The following AP4B1 variants were observed in gnomAD, a reference collection of about 807,000 sequenced individuals.
AP4B1 encodes adaptor related protein complex 4 subunit beta 1, also known as AP-4 complex subunit beta-1.
A neutral mutation model predicts 76.5 loss-of-function variants in AP4B1; 49 were observed. The ratio of observed to expected loss-of-function variants is 0.64; its 90% CI spans 0.51 to 0.81. AP4B1 has a LOEUF of 0.81. Among genes scored for constraint, AP4B1 ranks in the 40% least tolerant of loss-of-function variants. The probability of loss-of-function intolerance (pLI) is 0.00; values close to 1 mark genes in which losing one functional copy is unlikely to be tolerated. For missense variants in AP4B1, 911 were observed against 904.9 expected, an observed-to-expected ratio of 1.01 and a Z score of -0.09; for synonymous variants, 330 against 333.3, an observed-to-expected ratio of 0.99 and a Z score of 0.11.
At position 113,895,783 on chromosome 1, in the gene AP4B1, G is replaced by A. The variant is rs972237039; in HGVS notation, c.1766C>T (p.Pro589Leu). Residue 589 changes from proline (P) to leucine (L), a missense_variant, in exon 9 of 10, where the codon CCT (proline) becomes CTT (leucine). Pro to Leu is a moderately conservative substitution (Grantham distance 98). Transcript: ENST00000369569. Reference protein sequence around the residue: ...QGAERCDPELPKTSSFAASGP... With the variant: ...QGAERCDPELLKTSSFAASGP... ...TGATGCGGCAAAGGATGAAGTTTTA[G>A]GAAGCTCTGGGTCACAACGCTCTGC... 6.2e-7 allele frequency: 1 copy of A among 1,614,230 alleles called. No individual in the cohort carries two copies. The highest frequency in any genetic ancestry group is 8.5e-7 in the Non-Finnish European group (1 of 1,180,044).
chr1:113,895,139 T>C lies in AP4B1; in HGVS notation c.2146A>G (p.Arg716Gly). The change falls in exon 10 of 10, where the codon AGA becomes GGA. Residue 716 changes from arginine to glycine, a missense_variant. Transcript: ENST00000369569. ...MQISVKQNEARTETLNSFISV... is the reference protein window; with the variant it reads ...MQISVKQNEAGTETLNSFISV... ...ATAAAACTATTCAGCGTCTCCGTTC[T>C]TGCTTCATTTTGTTTCACAGAGATC... The C allele has an allele frequency of 6.2e-7, 1 of 1,614,242 alleles. No individual in the cohort carries two copies. The highest frequency in any genetic ancestry group is 8.5e-7 in the Non-Finnish European group (1 of 1,180,032).
At chr1:113,898,582 T>A in intron 6 of AP4B1, 136 bp downstream of exon 6, 1 of 781,064 alleles carries the variant, frequency 1.3e-6, no homozygotes, top group South Asian at 1.4e-5. Flanking sequence ...TATGCTTCTC[T>A]AACAGCAACA....
At position 113,895,932 on chromosome 1, in the gene AP4B1, G is replaced by A; in HGVS notation, c.1617C>T (p.Asp539=). 7.4e-6 allele frequency: 12 copies of A among 1,614,192 alleles called. No homozygotes were observed. Among genetic ancestry groups the A allele is most frequent in the Non-Finnish European group, 1.0e-5 (12 of 1,180,044 alleles). Residue 539 remains aspartate (D), a synonymous_variant, in exon 9 of 10, where the codon GAC becomes GAT. Transcript: ENST00000369569. ...GATCCTCCAAAAGTCCAAGAGTAGG[G>A]TCAGATTTAGGGCTACACAGAATCC... ...VKRILCSPKS[D]PTLGLLEDPA...
intron 2 of AP4B1, 101 bp downstream of exon 2, chr1:113,902,537 A>C: frequency 8.5e-7 from 1 of 1,177,746 alleles, no homozygotes; most frequent in Non-Finnish European, 1.3e-6. Context: ...TGTTTTCCCC[A>C]GTATTAAGGA....
rs569899968 is a variant in AP4B1, at chr1:113,894,665, T to C, written c.*400A>G. ...TTTGGAATCTGGCCTAAAAGCATGA[T>C]TGGAAATATGAGAACAGTTAGGAAT... is the stretch of plus-strand genomic sequence containing the variant. On this transcript the variant is annotated 3_prime_UTR_variant, in exon 10 of 10. Coordinates refer to ENST00000369569, the MANE Select transcript of AP4B1 (RefSeq NM_001253852.3). 2.8e-4 allele frequency: 61 copies of C among 214,320 alleles called. No individual in the cohort carries two copies. Among genetic ancestry groups the C allele is most frequent in the African/African-American group, 1.0e-3 (44 of 42,414 alleles). The allele number at this position is 214,320 out of a possible 1,614,324, so 13.3% of individuals were successfully genotyped here.
At chr1:113,898,951 A>G (rs1667863930) in intron 5 of AP4B1, 150 bp from the exon 6 acceptor site, 1 of 939,500 alleles carries the variant, frequency 1.1e-6, no homozygotes, top group African/African-American at 1.7e-5. Flanking sequence ...ATGAACTAAG[A>G]ATATAAGTTT....
chr1:113,904,908 C>G, upstream of AP4B1: 1 of 603,058 alleles, frequency 1.7e-6, no homozygotes. Flanking sequence ...CTCCGCGACA[C>G]CGCGAGCCCC....
At chr1:113,899,040 C>A (rs781330461) in intron 5 of AP4B1, 50 of 1,226,398 alleles carry the variant, frequency 4.1e-5, no homozygotes, top group Non-Finnish European at 5.0e-5. Flanking sequence ...AAAACAATTC[C>A]CCATTAAACA....
intron 4 of AP4B1, 109 bp downstream of exon 4, chr1:113,901,127 G>A: frequency 1.4e-6 from 2 of 1,385,130 alleles, no homozygotes; most frequent in Non-Finnish European, 2.0e-6. Context: ...TAATAATAAT[G>A]GTTAACTTTC....
Position 113,901,373 on chromosome 1 carries a change from C to A in AP4B1, c.480G>T (p.Leu160=), listed in dbSNP as rs746201525. The A allele has an allele frequency of 1.9e-6, 3 of 1,613,842 alleles. No homozygotes were observed. Among genetic ancestry groups the A allele is most frequent in the Admixed American group, 1.7e-5 (1 of 59,976 alleles). ...LHGDSEVDGA[L]VNELYSLLRD... is the part of the protein sequence containing the mutation. ...GCAGCAAACTGTATAATTCATTTAC[C>A]AGGGCACCATCTATAAAAAAGAACA... Residue 160 remains leucine (L), a synonymous_variant, in exon 4 of 10, where the codon CTG becomes CTT. Coordinates refer to ENST00000369569, the MANE Select transcript of AP4B1 (RefSeq NM_001253852.3).
chr1:113,902,987 G>T lies in AP4B1; in HGVS notation c.114-125C>A, dbSNP rs1210163416. The stretch of plus-strand genomic sequence containing the variant: ...TGATCTCTTAGAGGGTAGCAGCCAG[G>T]ATTACCTTGTCTATTATATCACACA... On this transcript the variant is annotated intron_variant, in intron 1 of 9. Coordinates refer to ENST00000369569, the MANE Select transcript of AP4B1 (RefSeq NM_001253852.3). 7.4e-6 allele frequency: 6 copies of T among 808,400 alleles called. No homozygotes were observed. In the East Asian group the frequency reaches 1.3e-4, roughly 18 times the overall value. The allele number at this position is 808,400 out of a possible 1,614,324, so 50.1% of individuals were successfully genotyped here.
At position 113,904,781 on chromosome 1, in the gene AP4B1, C is replaced by T; in HGVS notation, c.-64G>A. On this transcript the variant is annotated 5_prime_UTR_variant, in exon 1 of 10. Transcript: ENST00000369569. ...GGTAACTCGAGGGCTCCTTCTCGTCCTGATGTGGGAGCCTGAGTAAAGGAA... is the reference window on the plus strand; with the variant it reads ...GGTAACTCGAGGGCTCCTTCTCGTCTTGATGTGGGAGCCTGAGTAAAGGAA... 7.5e-7 allele frequency: 1 copy of T among 1,336,688 alleles called. No individual in the cohort carries two copies. The highest frequency in any genetic ancestry group is 1.2e-5 in the South Asian group (1 of 85,258). The allele number at this position is 1,336,688 out of a possible 1,614,324, so 82.8% of individuals were successfully genotyped here. A position where few individuals can be genotyped will look rare whatever the true frequency, so the allele number is the denominator to read the frequency against.
At position 113,894,218 on chromosome 1, in the gene AP4B1, AG is replaced by A. The variant is rs1430719657; in HGVS notation, c.*846del. 6.6e-6 allele frequency among the ~76,000 whole-genome samples: 1 copy of A among 152,240 alleles called. No individual in the cohort carries two copies. Among genetic ancestry groups the A allele is most frequent in the African/African-American group, 2.4e-5 (1 of 41,470 alleles). On this transcript the variant is annotated 3_prime_UTR_variant, in exon 10 of 10. Transcript: ENST00000369569. Reference sequence around the variant, plus strand: ...ATTTATATTTTACCATCATTTTATTAGATTTGTTCTTGCCATAAGTTGCTTC... The same window carrying A: ...ATTTATATTTTACCATCATTTTATTAATTTGTTCTTGCCATAAGTTGCTTC...
chr1:113,898,601 T>C, intron 6 of AP4B1, 117 bp downstream of exon 6: 1 of 830,802 alleles, frequency 1.2e-6, no homozygotes, highest in South Asian at 1.3e-5. Flanking sequence ...CAGATGATGA[T>C]GCAAGGAAAA....
rs763542926 is a variant in AP4B1, at chr1:113,900,134, A to G, written c.884T>C (p.Val295Ala). The G allele has an allele frequency of 1.9e-6, 3 of 1,614,126 alleles. No homozygotes were observed. Among genetic ancestry groups the G allele is most frequent in the East Asian group, 4.5e-5 (2 of 44,908 alleles). ...GATCTGGCGTACATGACAAAGAGCA[A>G]CAAAACAGAGCTCACGGCTCTCTGA... ...CSSESRELCF[V>A]ALCHVRQILH... Residue 295 changes from valine to alanine, a missense_variant, in exon 5 of 10, where the codon GTT (valine) becomes GCT (alanine). Physicochemically the swap from Val to Ala is moderately conservative, Grantham distance 64 (BLOSUM62 0). Coordinates refer to ENST00000369569, the MANE Select transcript of AP4B1 (RefSeq NM_001253852.3).
At chr1:113,898,025 A>T in intron 6 of AP4B1, 82 bp from the exon 7 acceptor site, 1 of 1,602,122 alleles carries the variant, frequency 6.2e-7, no homozygotes, top group South Asian at 1.1e-5. Flanking sequence ...ATGTATTCAG[A>T]CTCATGATTC....
intron 4 of AP4B1, 113 bp downstream of exon 4, chr1:113,901,123 T>C: frequency 7.3e-7 from 1 of 1,376,114 alleles, no homozygotes; most frequent in South Asian, 1.2e-5. Flanking sequence ...ATAATAATAA[T>C]AATGGTTAAC....
intron 7 of AP4B1, chr1:113,896,719 G>C: frequency 1.8e-6 from 1 of 553,524 alleles, no homozygotes; most frequent in Non-Finnish European, 3.2e-6. Context: ...GGTTTCCTCA[G>C]GTTTGGGGCC....
Position 113,901,331 on chromosome 1 carries a change from A to T in AP4B1, c.522T>A (p.Ile174=). 1 of 1,614,158 alleles carries T rather than the reference A, an allele frequency of 6.2e-7. No homozygotes were observed. The highest frequency in any genetic ancestry group is 1.7e-5 in the Admixed American group (1 of 60,016). The change falls in exon 4 of 10, where the codon ATT becomes ATA. Residue 174 remains isoleucine (I), a synonymous_variant. Coordinates refer to ENST00000369569, the MANE Select transcript of AP4B1 (RefSeq NM_001253852.3). ...LYSLLRDQDP[I]VVVNCLRSLE... ...GAGACCTCAAGCAGTTCACAACTAC[A>T]ATTGGATCCTGGTCACGCAGCAAAC...
Sources: gnomAD v4.1 joint callset for allele counts (sites outside exome capture counted in the v4.1 genomes callset) on GRCh38, gnomAD v4.1.1 for gene constraint, MANE v1.5 for transcripts, NCBI Gene and HGNC (gene_info 2026-07-23, HGNC 2026-07-21) for gene names.